The following IMMP2L variants were observed in gnomAD, a reference collection of about 807,000 sequenced individuals.
IMMP2L encodes the protein mitochondrial inner membrane protease subunit 2.
A neutral mutation model predicts 19.3 loss-of-function variants in IMMP2L; 18 were observed. The ratio of observed to expected loss-of-function variants is 0.93; its 90% CI spans 0.64 to 1.38. IMMP2L has a LOEUF of 1.38. IMMP2L is among the 40% of genes most tolerant of loss of function. The pLI is 0.00. For synonymous variants in IMMP2L, 76 were observed against 73.0 expected (o/e 1.04, Z -0.21); for missense variants, 233 against 218.2 (o/e 1.07, Z -0.43).
chr7:111,016,407 TTATATAA>T (rs934029345), intron 3 of IMMP2L, among the ~76,000 whole-genome samples: 4 of 140,932 alleles, frequency 2.8e-5, no homozygotes, highest in African/African-American at 1.0e-4. Context: ...TATTTATATT[TTATATAA>T]TATATATTTT....
chr7:111,373,738 A>C (rs1830441374), intron 3 of IMMP2L, among the ~76,000 whole-genome samples: 1 of 152,030 alleles, frequency 6.6e-6, no homozygotes, highest in Non-Finnish European at 1.5e-5. Context: ...ATTATACTCT[A>C]CATATTTTAT....
intron 5 of IMMP2L, among the ~76,000 whole-genome samples, chr7:110,681,737 A>C (rs1792734341): frequency 6.6e-6 from 1 of 152,174 alleles, no homozygotes; most frequent in Admixed American, 6.5e-5. Context: ...TATAATTCAC[A>C]GAGGAGGATG....
chr7:111,327,259 C>G (rs1214930434), intron 3 of IMMP2L, among the ~76,000 whole-genome samples: 1 of 151,574 alleles, frequency 6.6e-6, no homozygotes, highest in Non-Finnish European at 1.5e-5. Flanking sequence ...AAGTTGCTGT[C>G]CAACTGGTAT....
At chr7:111,466,217 C>G (rs1474221517) in intron 3 of IMMP2L, among the ~76,000 whole-genome samples, 1 of 152,078 alleles carries the variant, frequency 6.6e-6, no homozygotes, top group Non-Finnish European at 1.5e-5. Context: ...GGAGATACAC[C>G]TAATGTTAAA....
intron 5 of IMMP2L, among the ~76,000 whole-genome samples, chr7:110,730,383 C>A (rs10274598): frequency 0.1 from 15,532 of 152,194 alleles, 1,713 homozygotes; most frequent in African/African-American, 0.28. Flanking sequence ...ACATCAGACT[C>A]CACATTCTTC....
chr7:111,281,891 T>C (rs1236331528), intron 3 of IMMP2L, among the ~76,000 whole-genome samples: 2 of 152,202 alleles, frequency 1.3e-5, no homozygotes, highest in Non-Finnish European at 1.5e-5. Flanking sequence ...ACTAAGGTTG[T>C]TTTTATAGAA....
intron 3 of IMMP2L, among the ~76,000 whole-genome samples, chr7:111,193,377 AC>A (rs1809113799): frequency 6.6e-6 from 1 of 152,102 alleles, no homozygotes. Flanking sequence ...AAATAGATAA[AC>A]AATCTTAAAG....
chr7:111,005,400 G>A (rs888050672), intron 3 of IMMP2L, among the ~76,000 whole-genome samples: 8 of 152,094 alleles, frequency 5.3e-5, no homozygotes, highest in Non-Finnish European at 1.0e-4. Context: ...AATTTGTGTT[G>A]ACCTATATGT....
At chr7:110,881,231 T>C (rs1299442587) in intron 5 of IMMP2L, among the ~76,000 whole-genome samples, 1 of 152,156 alleles carries the variant, frequency 6.6e-6, no homozygotes, top group East Asian at 1.9e-4. Flanking sequence ...GTTACACAAA[T>C]ATTTTCATTA....
chr7:111,449,016 T>C (rs1008385272), intron 3 of IMMP2L, among the ~76,000 whole-genome samples: 8 of 151,252 alleles, frequency 5.3e-5, no homozygotes, highest in South Asian at 4.2e-4. Flanking sequence ...CAGGAAGAAG[T>C]TGAATCTCTG....
At chr7:111,399,305 T>C (rs1023613616) in intron 3 of IMMP2L, among the ~76,000 whole-genome samples, 3 of 152,058 alleles carry the variant, frequency 2.0e-5, no homozygotes, top group Non-Finnish European at 4.4e-5. Context: ...TGGAACACAA[T>C]AGAGAACCCA....
intron 3 of IMMP2L, among the ~76,000 whole-genome samples, chr7:111,274,576 T>C (rs910800695): frequency 6.6e-6 from 1 of 152,198 alleles, no homozygotes; most frequent in African/African-American, 2.4e-5. Flanking sequence ...GGTTATCTAT[T>C]GTCCCTTAGA....
chr7:110,888,844 A>G (rs1442631562), intron 4 of IMMP2L, among the ~76,000 whole-genome samples: 2 of 152,258 alleles, frequency 1.3e-5, no homozygotes, highest in East Asian at 3.9e-4. Flanking sequence ...AGTCTTTGGA[A>G]CTTTGCCTTA....
At chr7:111,066,966 G>C (rs1410065393) in intron 3 of IMMP2L, among the ~76,000 whole-genome samples, 1 of 152,292 alleles carries the variant, frequency 6.6e-6, no homozygotes, top group Non-Finnish European at 1.5e-5. Context: ...TGAACCCCAA[G>C]ACCTAGGTAA....
rs528115722 is a variant in IMMP2L at position 111,492,399 on chromosome 7, C to T, written c.136-5058G>A. ...CATAAGTCAGGTCCAGTTTCTAACCCGCTCTTTGGATGCCTCATTATCAGA... is the reference window on the plus strand; with the variant it reads ...CATAAGTCAGGTCCAGTTTCTAACCTGCTCTTTGGATGCCTCATTATCAGA... On this transcript the variant is annotated intron_variant, in intron 2 of 5. Transcript: ENST00000405709. 1.0e-4 allele frequency: 99 copies of T among 984,132 alleles called. 1 individual carries two copies. The highest frequency in any genetic ancestry group is 4.5e-4 in the East Asian group (4 of 8,814). 61.0% of individuals were successfully genotyped at this position (984,132 alleles called of 1,614,324 possible).
At chr7:110,818,589 T>G (rs1356687249) in intron 5 of IMMP2L, among the ~76,000 whole-genome samples, 2 of 152,116 alleles carry the variant, frequency 1.3e-5, no homozygotes, top group Admixed American at 1.3e-4. Context: ...AGAAATACCA[T>G]TTGACCCAGC....
chr7:111,217,850 T>G, intron 3 of IMMP2L, among the ~76,000 whole-genome samples: 1 of 152,074 alleles, frequency 6.6e-6, no homozygotes, highest in East Asian at 1.9e-4. Context: ...GAAATCTTAT[T>G]TTTAATATAA....
intron 5 of IMMP2L, among the ~76,000 whole-genome samples, chr7:110,667,172 G>C (rs112045088): frequency 0.032 from 4,841 of 152,216 alleles, 164 homozygotes; most frequent in African/African-American, 0.08. Flanking sequence ...GCCCGGCCTG[G>C]AATAAATTCT....
At chr7:111,044,680 G>A (rs1272966427) in intron 3 of IMMP2L, among the ~76,000 whole-genome samples, 1 of 152,188 alleles carries the variant, frequency 6.6e-6, no homozygotes, top group South Asian at 2.1e-4. Context: ...AAAATTGGTT[G>A]ATGAGTGACA....
Sources: gnomAD v4.1 joint callset for allele counts (sites outside exome capture counted in the v4.1 genomes callset) on GRCh38, gnomAD v4.1.1 for gene constraint, MANE v1.5 for transcripts, NCBI Gene and HGNC (gene_info 2026-07-23, HGNC 2026-07-21) for gene names.